Variants in NPAS3 observed in about 807,000 individuals in gnomAD.
NPAS3 encodes neuronal PAS domain protein 3.
In NPAS3, 14 loss-of-function variants were observed where a neutral mutation model predicts 73.1. The observed-to-expected ratio is 0.19, with a 90% confidence interval of 0.13 to 0.30. NPAS3 has a LOEUF of 0.30. NPAS3 is among the 10% of genes least tolerant of loss of function. The pLI is 1.00. For missense variants in NPAS3, 1,096 were observed against 1,250.0 expected, an observed-to-expected ratio of 0.88 and a Z score of 1.86; for synonymous variants, 620 against 541.5, an observed-to-expected ratio of 1.14 and a Z score of -2.01.
intron 2 of NPAS3, among the ~76,000 whole-genome samples, chr14:33,129,096 T>C (rs1399705890): frequency 6.6e-6 from 1 of 152,078 alleles, no homozygotes; most frequent in Non-Finnish European, 1.5e-5. Context: ...CAGTCTCTCT[T>C]CTGCAGAGGA....
chr14:33,299,173 G>A (rs560293374), intron 3 of NPAS3, among the ~76,000 whole-genome samples: 3 of 152,252 alleles, frequency 2.0e-5, no homozygotes, highest in South Asian at 2.1e-4. Context: ...CTTTGGCCAC[G>A]TAGTGTTCAA....
chr14:32,938,673 C>A (rs879768459), upstream of NPAS3, among the ~76,000 whole-genome samples: 2 of 151,544 alleles, frequency 1.3e-5, no homozygotes, highest in Admixed American at 1.3e-4. Context: ...CCCGCGCCCC[C>A]CGCAGGGAGG....
chr14:33,017,916 T>G (rs1301692549), intron 1 of NPAS3, among the ~76,000 whole-genome samples: 1 of 152,164 alleles, frequency 6.6e-6, no homozygotes, highest in Admixed American at 6.5e-5. Context: ...GTTCATAACA[T>G]TTGTACTTTT....
At chr14:33,295,716 G>A (rs1483768604) in intron 3 of NPAS3, among the ~76,000 whole-genome samples, 1 of 152,130 alleles carries the variant, frequency 6.6e-6, no homozygotes, top group Non-Finnish European at 1.5e-5. Flanking sequence ...TTTTAATGCA[G>A]AGGTATTTAT....
chr14:33,365,564 G>C (rs2045804046), intron 3 of NPAS3, among the ~76,000 whole-genome samples: 1 of 152,104 alleles, frequency 6.6e-6, no homozygotes, highest in African/African-American at 2.4e-5. Flanking sequence ...GAGGAGGCTG[G>C]AGTAGAGATC....
intron 2 of NPAS3, among the ~76,000 whole-genome samples, chr14:33,116,665 A>T (rs982382430): frequency 6.6e-6 from 1 of 152,096 alleles, no homozygotes; most frequent in Admixed American, 6.6e-5. Context: ...GCTTCTCCGA[A>T]CTGACAAAAG....
At chr14:33,517,892 A>T (rs11621014) in intron 4 of NPAS3, among the ~76,000 whole-genome samples, 45,161 of 151,926 alleles carry the variant, frequency 0.3, 7,620 homozygotes, top group East Asian at 0.45. Flanking sequence ...TCAGTAAATG[A>T]GTAACATATT....
chr14:33,720,923 A>C (rs185029711), intron 6 of NPAS3, among the ~76,000 whole-genome samples: 22 of 152,298 alleles, frequency 1.4e-4, no homozygotes, highest in African/African-American at 5.1e-4. Flanking sequence ...TGGGTAGTGA[A>C]AATACAATGT....
intron 4 of NPAS3, among the ~76,000 whole-genome samples, chr14:33,497,138 C>T (rs2052240513): frequency 1.3e-5 from 2 of 152,078 alleles, no homozygotes; most frequent in African/African-American, 4.8e-5. Context: ...ATACAACTTA[C>T]AAGGGATGTG....
chr14:33,127,546 C>A (rs2043475219), intron 2 of NPAS3, among the ~76,000 whole-genome samples: 1 of 152,022 alleles, frequency 6.6e-6, no homozygotes, highest in South Asian at 2.1e-4. Flanking sequence ...TCCAAACAAG[C>A]CATGCTGCAA....
At chr14:33,211,234 G>A (rs150006038) in intron 2 of NPAS3, among the ~76,000 whole-genome samples, 1 of 152,268 alleles carries the variant, frequency 6.6e-6, no homozygotes, top group Non-Finnish European at 1.5e-5. Context: ...AACAAAACCA[G>A]GATTTATACC....
chr14:33,538,471 A>G (rs1308969964), intron 4 of NPAS3, among the ~76,000 whole-genome samples: 3 of 152,238 alleles, frequency 2.0e-5, no homozygotes, highest in East Asian at 3.8e-4. Context: ...GGAACAGAAG[A>G]GTAAAGTAAT....
chr14:33,577,790 G>A (rs2056499228), intron 5 of NPAS3, among the ~76,000 whole-genome samples: 1 of 152,236 alleles, frequency 6.6e-6, no homozygotes, highest in Admixed American at 6.5e-5. Context: ...TTTAGGGACA[G>A]AGAAAATTAA....
Position 33,003,524 on chromosome 14 carries a change from A to T in NPAS3, c.51-52381A>T, listed in dbSNP as rs113854364. Among the ~76,000 whole-genome samples, 438 of 152,266 alleles carry T rather than the reference A, an allele frequency of 2.9e-3. 1 individual carries two copies. Among genetic ancestry groups the T allele is most frequent in the African/African-American group, 0.01 (424 of 41,546 alleles). ...CACAATCAAATAGAGACAGTTTAAGATTTTTTTCTGTGTCCATGAAGGGAT... is the reference window on the plus strand; with the variant it reads ...CACAATCAAATAGAGACAGTTTAAGTTTTTTTTCTGTGTCCATGAAGGGAT... On this transcript the variant is annotated intron_variant, in intron 1 of 11. Transcript: ENST00000356141.
chr14:33,551,658 G>A lies in NPAS3; in HGVS notation c.469-8463G>A, dbSNP rs74044840. ...AACTCTGGGACAGGAAATGGGGTCA[G>A]TGTTCTGGCCAGCTTGTATGTGGTG... is the stretch of plus-strand genomic sequence containing the variant. On this transcript the variant is annotated intron_variant, in intron 4 of 11. Transcript: ENST00000356141. 7.9e-3 allele frequency among the ~76,000 whole-genome samples: 1,209 copies of A among 152,352 alleles called. 14 individuals are homozygous for A. The highest frequency in any genetic ancestry group is 0.027 in the African/African-American group (1,142 of 41,578).
At chr14:33,540,985 C>G (rs1449316211) in intron 4 of NPAS3, among the ~76,000 whole-genome samples, 4 of 151,992 alleles carry the variant, frequency 2.6e-5, no homozygotes, top group African/African-American at 4.8e-5. Context: ...GTTTTCCCCC[C>G]CAAGTCAGGA....
intron 1 of NPAS3, among the ~76,000 whole-genome samples, chr14:32,965,083 C>T (rs1488720567): frequency 6.6e-6 from 1 of 152,158 alleles, no homozygotes; most frequent in Non-Finnish European, 1.5e-5. Context: ...AAAAGTCTCC[C>T]AGCAAAGAAA....
intron 3 of NPAS3, among the ~76,000 whole-genome samples, chr14:33,287,587 C>T (rs565772176): frequency 5.9e-5 from 9 of 152,144 alleles, no homozygotes; most frequent in Admixed American, 2.0e-4. Flanking sequence ...TCCATATTTA[C>T]TTACCCTATT....
intron 1 of NPAS3, among the ~76,000 whole-genome samples, chr14:33,054,679 C>A (rs993733640): frequency 4.0e-5 from 6 of 149,890 alleles, no homozygotes; most frequent in African/African-American, 1.5e-4. Flanking sequence ...GTGGCAGGAT[C>A]TCAGCTCATT....
Sources: gnomAD v4.1 joint callset for allele counts (sites outside exome capture counted in the v4.1 genomes callset) on GRCh38, gnomAD v4.1.1 for gene constraint, MANE v1.5 for transcripts, NCBI Gene and HGNC (gene_info 2026-07-23, HGNC 2026-07-21) for gene names.